The following TUBA1C variants were observed in gnomAD, a reference collection of about 807,000 sequenced individuals.
TUBA1C encodes the protein tubulin alpha 1c.
TUBA1C carries 16 observed loss-of-function variants against 34.9 expected under a neutral mutation model. That is an observed-to-expected ratio of 0.46 (90% CI 0.31 to 0.70). The LOEUF (loss-of-function observed/expected upper bound fraction) is 0.70. Ranked by LOEUF, TUBA1C falls within the 30% of genes least tolerant of loss-of-function variation. The probability of loss-of-function intolerance (pLI) is 0.05; values close to 1 mark genes in which losing one functional copy is unlikely to be tolerated. For missense variants in TUBA1C, 329 were observed against 587.3 expected (o/e 0.56, Z 4.55); for synonymous variants, 177 against 215.9 (o/e 0.82, Z 1.58).
upstream of TUBA1C, chr12:49,265,059 C>T: frequency 7.5e-7 from 1 of 1,336,522 alleles, no homozygotes; most frequent in East Asian, 2.8e-5. Flanking sequence ...TATATAAGGC[C>T]CTTCGGGGCC....
chr12:49,245,986 C>T (rs771040496), intron 1 of TUBA1C, among the ~76,000 whole-genome samples: 2 of 152,186 alleles, frequency 1.3e-5, no homozygotes, highest in Non-Finnish European at 2.9e-5. Flanking sequence ...CTACCTGCAA[C>T]CTCAGCGTCC....
intron 3 of TUBA1C, 129 bp from the exon 4 acceptor site, chr12:49,272,124 G>T: frequency 6.8e-7 from 1 of 1,471,778 alleles, no homozygotes; most frequent in Middle Eastern, 1.8e-4. Context: ...CACTGCGCCT[G>T]GCCCAGAAGA....
chr12:49,267,206 C>G (rs12310093), intron 1 of TUBA1C, among the ~76,000 whole-genome samples: 4,697 of 152,224 alleles, frequency 0.031, 100 homozygotes, highest in African/African-American at 0.058. Flanking sequence ...AGAAAAATTG[C>G]GGGCGCAAAA....
chr12:49,250,065 GCGGGTGC>G (rs1030561659), intron 1 of TUBA1C, among the ~76,000 whole-genome samples: 5 of 151,972 alleles, frequency 3.3e-5, no homozygotes. Context: ...AGGTGTGGTG[GCGGGTGC>G]CTGTAATCCC....
intron 1 of TUBA1C, among the ~76,000 whole-genome samples, chr12:49,241,278 A>C (rs1942612097): frequency 2.0e-5 from 3 of 152,122 alleles, no homozygotes; most frequent in Non-Finnish European, 4.4e-5. Context: ...ATTTTATGAG[A>C]ATGGGGCCAA....
chr12:49,257,635 C>A (rs1035536381), intron 1 of TUBA1C, among the ~76,000 whole-genome samples: 12 of 151,908 alleles, frequency 7.9e-5, no homozygotes, highest in Admixed American at 3.3e-4. Context: ...AAAAAATTAG[C>A]CAAGCATGGT....
At chr12:49,250,639 A>ATGG (rs1942724036) in intron 1 of TUBA1C, among the ~76,000 whole-genome samples, 1 of 151,902 alleles carries the variant, frequency 6.6e-6, no homozygotes. Flanking sequence ...GGGGCCAGGC[A>ATGG]TGGTGGCTCA....
chr12:49,242,857 G>A (rs551765491), intron 1 of TUBA1C, among the ~76,000 whole-genome samples: 3 of 151,960 alleles, frequency 2.0e-5, no homozygotes. Flanking sequence ...AAGCTGCAGT[G>A]CAATGGTGTG....
chr12:49,260,773 C>T (rs1942833208), upstream of TUBA1C, among the ~76,000 whole-genome samples: 1 of 152,166 alleles, frequency 6.6e-6, no homozygotes, highest in Admixed American at 6.5e-5. Flanking sequence ...GTTTTCCCCC[C>T]AGGCTGGAGT....
chr12:49,253,210 ACT>A (rs1253091293), intron 1 of TUBA1C, among the ~76,000 whole-genome samples: 1 of 151,764 alleles, frequency 6.6e-6, no homozygotes, highest in African/African-American at 2.4e-5. Flanking sequence ...TTTAAATGGA[ACT>A]CTCGGCATAC....
chr12:49,265,099 C>G lies in TUBA1C; in HGVS notation c.-83C>G. On this transcript the variant is annotated 5_prime_UTR_variant, in exon 1 of 4. Transcript: ENST00000301072. ...ACCCTTTCACTACTTCTCCCCCGGA[C>G]TCCTTGGTAGTCTGTTAGTGGGAGA... 1 of 1,513,554 alleles carries G rather than the reference C, an allele frequency of 6.6e-7. No homozygotes were observed. The highest frequency in any genetic ancestry group is 8.9e-7 in the Non-Finnish European group (1 of 1,119,478). 93.8% of individuals were successfully genotyped at this position (1,513,554 alleles called of 1,614,324 possible).
At chr12:49,261,574 C>A (rs1235803416), upstream of TUBA1C, among the ~76,000 whole-genome samples, 1 of 152,144 alleles carries the variant, frequency 6.6e-6, no homozygotes, top group African/African-American at 2.4e-5. Flanking sequence ...TATAAAAACT[C>A]TACCAAGGCA....
chr12:49,248,288 A>G (rs1221183395), intron 1 of TUBA1C, among the ~76,000 whole-genome samples: 1 of 151,842 alleles, frequency 6.6e-6, no homozygotes, highest in African/African-American at 2.4e-5. Flanking sequence ...GTAAAAAAAA[A>G]GAAAAAGAAA....
chr12:49,240,144 A>T (rs2136992562), intron 1 of TUBA1C, among the ~76,000 whole-genome samples: 1 of 152,098 alleles, frequency 6.6e-6, no homozygotes, highest in South Asian at 2.1e-4. Flanking sequence ...ACGCCAATAT[A>T]AAAAGGCTGC....
intron 1 of TUBA1C, among the ~76,000 whole-genome samples, chr12:49,240,575 T>C (rs1331669875): frequency 6.6e-6 from 1 of 152,024 alleles, no homozygotes; most frequent in Non-Finnish European, 1.5e-5. Flanking sequence ...AAGTTCCCCA[T>C]TGTGGCTCTT....
rs1166307187 is a variant in TUBA1C, at chr12:49,273,705, G to A, written c.*478G>A. The stretch of plus-strand genomic sequence containing the variant: ...TTCTTGGTTTATCTGTTTAATTTGG[G>A]CCTGAATTAAGTGGTTATAGAATCA... On this transcript the variant is annotated 3_prime_UTR_variant, in exon 4 of 4. Transcript: ENST00000301072. The A allele has an allele frequency of 1.9e-5, 4 of 208,582 alleles. No homozygotes were observed. The highest frequency in any genetic ancestry group is 9.3e-5 in the African/African-American group (4 of 42,840). 12.9% of individuals were successfully genotyped at this position (208,582 alleles called of 1,614,324 possible). A position where few individuals can be genotyped will look rare whatever the true frequency, so the allele number is the denominator to read the frequency against.
chr12:49,232,197 G>T (rs867281008), intron 1 of TUBA1C, among the ~76,000 whole-genome samples: 10 of 152,326 alleles, frequency 6.6e-5, no homozygotes, highest in South Asian at 4.1e-4. Flanking sequence ...CTGTCTGAAA[G>T]GGCCTGAGGA....
intron 3 of TUBA1C, among the ~76,000 whole-genome samples, chr12:49,271,706 AC>A (rs1466798002): frequency 1.1e-4 from 16 of 152,176 alleles, no homozygotes. Flanking sequence ...CCAAATCTTT[AC>A]AAGACATCCA....
chr12:49,257,747 C>G (rs918441119), intron 1 of TUBA1C: 5 of 153,000 alleles, frequency 3.3e-5, no homozygotes, highest in Non-Finnish European at 7.3e-5. Context: ...CCAGCGCACC[C>G]CAGCCTGGGT....
Sources: allele counts gnomAD v4.1 joint callset (sites outside exome capture counted in the v4.1 genomes callset), GRCh38; gene constraint gnomAD v4.1.1; transcripts MANE v1.5; gene names NCBI Gene and HGNC (gene_info 2026-07-23, HGNC 2026-07-21).